GRM5: variants seen among roughly 807,000 people sequenced by gnomAD.
GRM5 encodes the protein glutamate metabotropic receptor 5.
Under a neutral mutation model 83.1 loss-of-function variants are expected in GRM5, and 19 were observed. The ratio of observed to expected loss-of-function variants is 0.23; its 90% CI spans 0.16 to 0.34. The LOEUF is 0.34. Among genes scored for constraint, GRM5 ranks in the 10% least tolerant of loss-of-function variants. The pLI is 1.00. For missense variants in GRM5, 1,160 were observed against 1,588.3 expected (o/e 0.73, Z 4.58); for synonymous variants, 675 against 633.6 (o/e 1.07, Z -0.98).
Position 88,508,496 on chromosome 11 carries a change from T to C in GRM5, c.*96A>G, listed in dbSNP as rs1002895362. The C allele has an allele frequency of 5.2e-6, 5 of 969,874 alleles. No individual in the cohort carries two copies. In the African/African-American group the frequency reaches 8.5e-5, roughly 16 times the overall value. 60.1% of individuals were successfully genotyped at this position (969,874 alleles called of 1,614,324 possible). A position where few individuals can be genotyped will look rare whatever the true frequency, so the allele number is the denominator to read the frequency against. ...AGGGGTGCCCTTGGCATCTTCCCCCTGGGCCGTAACCAGGCGACTATGCTT... is the reference window on the plus strand; with the variant it reads ...AGGGGTGCCCTTGGCATCTTCCCCCCGGGCCGTAACCAGGCGACTATGCTT... On this transcript the variant is annotated 3_prime_UTR_variant, in exon 10 of 10. Transcript: ENST00000305447. The surrounding 1 kb of genome is among the most constrained non-coding windows in gnomAD (Gnocchi z 4.2).
intron 3 of GRM5, among the ~76,000 whole-genome samples, chr11:88,679,231 A>G (rs760740529): frequency 1.3e-5 from 2 of 152,170 alleles, no homozygotes; most frequent in Non-Finnish European, 2.9e-5. Context: ...GATGGGAAAG[A>G]GTGAGGACAT....
At chr11:88,976,778 T>C (rs79798175) in intron 2 of GRM5, among the ~76,000 whole-genome samples, 3,182 of 152,218 alleles carry the variant, frequency 0.021, 104 homozygotes, top group African/African-American at 0.073. Flanking sequence ...CACACACAAA[T>C]TGTTTTTTCA....
At chr11:88,775,736 G>A (rs1262869556) in intron 3 of GRM5, among the ~76,000 whole-genome samples, 1 of 152,192 alleles carries the variant, frequency 6.6e-6, no homozygotes, top group Non-Finnish European at 1.5e-5. Context: ...CAGTTTCCAT[G>A]TAGTTGAGCA....
intron 2 of GRM5, among the ~76,000 whole-genome samples, chr11:88,895,636 GA>G (rs925334158): frequency 6.6e-6 from 1 of 151,746 alleles, no homozygotes; most frequent in Non-Finnish European, 1.5e-5. Flanking sequence ...GGCAAAAATG[GA>G]AAAAAACAAG....
At chr11:88,757,925 G>C (rs1942431173) in intron 3 of GRM5, among the ~76,000 whole-genome samples, 2 of 152,150 alleles carry the variant, frequency 1.3e-5, no homozygotes, top group Admixed American at 1.3e-4. Context: ...AGGAGCCAGA[G>C]AGGAAAGTCA....
At chr11:88,629,891 C>T (rs1329129067) in intron 4 of GRM5, among the ~76,000 whole-genome samples, 16 of 152,194 alleles carry the variant, frequency 1.1e-4, no homozygotes. Context: ...AAAGTCAGCA[C>T]AGTGGCCCAC....
At chr11:88,876,533 C>T (rs1944856025) in intron 2 of GRM5, among the ~76,000 whole-genome samples, 2 of 152,196 alleles carry the variant, frequency 1.3e-5, no homozygotes, top group Admixed American at 6.6e-5. Context: ...GACTAAGTGG[C>T]ACAAAAGGCC....
At chr11:88,952,969 AT>A (rs1938507419) in intron 2 of GRM5, among the ~76,000 whole-genome samples, 1 of 152,172 alleles carries the variant, frequency 6.6e-6, no homozygotes, top group African/African-American at 2.4e-5. Context: ...ATAATGGAGG[AT>A]TTTCCCCTCT....
chr11:88,793,489 T>C lies in GRM5; in HGVS notation c.911+56417A>G, dbSNP rs544609779. 2.6e-5 allele frequency among the ~76,000 whole-genome samples: 4 copies of C among 152,312 alleles called. No homozygotes were observed. In the South Asian group the frequency reaches 8.3e-4, roughly 32 times the overall value. Reference sequence around the variant, plus strand: ...TATCAATCTGGCATTTAAGATATGGTATATTTTTGCATATTCTGAGGAAGG... The same window carrying C: ...TATCAATCTGGCATTTAAGATATGGCATATTTTTGCATATTCTGAGGAAGG... On this transcript the variant is annotated intron_variant, in intron 3 of 9. Coordinates refer to ENST00000305447, the MANE Select transcript of GRM5 (RefSeq NM_001143831.3).
chr11:88,710,944 A>G (rs1003141919), intron 3 of GRM5, among the ~76,000 whole-genome samples: 1 of 152,080 alleles, frequency 6.6e-6, no homozygotes, highest in Non-Finnish European at 1.5e-5. Flanking sequence ...TGCTTTATAA[A>G]ACTGGTATTT....
chr11:88,807,955 A>G (rs1004460674), intron 3 of GRM5, among the ~76,000 whole-genome samples: 21 of 152,006 alleles, frequency 1.4e-4, no homozygotes, highest in African/African-American at 4.8e-4. Flanking sequence ...AATAATTTTA[A>G]TCCCCAAAAT....
intron 3 of GRM5, among the ~76,000 whole-genome samples, chr11:88,742,887 A>T (rs1333738866): frequency 1.3e-5 from 2 of 151,928 alleles, no homozygotes; most frequent in Non-Finnish European, 2.9e-5. Flanking sequence ...AAGACCCCCT[A>T]CCCCAGTCAG....
At chr11:88,921,918 CA>C (rs59956434) in intron 2 of GRM5, among the ~76,000 whole-genome samples, 84 of 149,794 alleles carry the variant, frequency 5.6e-4, no homozygotes, top group Middle Eastern at 6.8e-3. Context: ...AATAAAAATA[CA>C]AAAAAAACCG....
At chr11:88,920,709 A>G (rs1329519639) in intron 2 of GRM5, among the ~76,000 whole-genome samples, 2 of 152,150 alleles carry the variant, frequency 1.3e-5, no homozygotes, top group Non-Finnish European at 1.5e-5. Context: ...AAATTCACCA[A>G]TGCATTAAAA....
At chr11:88,569,998 G>A (rs988620739) in intron 7 of GRM5, among the ~76,000 whole-genome samples, 2 of 152,062 alleles carry the variant, frequency 1.3e-5, no homozygotes, top group African/African-American at 4.8e-5. Flanking sequence ...GGGTAGCTTC[G>A]TTGTAGAAAG....
chr11:88,751,369 T>C (rs1390671594), intron 3 of GRM5, among the ~76,000 whole-genome samples: 1 of 152,120 alleles, frequency 6.6e-6, no homozygotes, highest in Non-Finnish European at 1.5e-5. Context: ...AACCGATACA[T>C]TTCTGGACAC....
intron 3 of GRM5, among the ~76,000 whole-genome samples, chr11:88,789,241 G>A (rs967053253): frequency 3.9e-5 from 6 of 152,046 alleles, no homozygotes; most frequent in Admixed American, 1.3e-4. Context: ...AGTGACAGGT[G>A]AATGGCAATC....
chr11:88,824,648 A>C (rs1034815758), intron 3 of GRM5, among the ~76,000 whole-genome samples: 2 of 152,144 alleles, frequency 1.3e-5, no homozygotes, highest in Admixed American at 1.3e-4. Context: ...CTCCTATGAG[A>C]ATCTAATGCT....
chr11:88,614,137 G>C (rs894363474), intron 4 of GRM5, among the ~76,000 whole-genome samples: 1 of 152,130 alleles, frequency 6.6e-6, no homozygotes, highest in Non-Finnish European at 1.5e-5. Flanking sequence ...AGGTGGGTTT[G>C]AGTCTCATTC....
Sources: gnomAD v4.1 joint callset for allele counts (sites outside exome capture counted in the v4.1 genomes callset) on GRCh38, gnomAD v4.1.1 for gene constraint, Gnocchi (gnomAD v3.1) non-coding constraint, MANE v1.5 for transcripts, NCBI Gene and HGNC (gene_info 2026-07-23, HGNC 2026-07-21) for gene names.